The following DNER variants were observed in gnomAD, a reference collection of about 807,000 sequenced individuals.
The protein encoded by DNER is delta and Notch-like epidermal growth factor-related receptor.
In DNER, 33 loss-of-function variants were observed where a neutral mutation model predicts 78.2. The ratio of observed to expected loss-of-function variants is 0.42; its 90% CI spans 0.32 to 0.56. DNER has a LOEUF of 0.56. Ranked by LOEUF, DNER falls within the 20% of genes least tolerant of loss-of-function variation. The pLI is 0.11. For missense variants in DNER, 918 were observed against 975.3 expected (o/e 0.94, Z 0.78); for synonymous variants, 417 against 384.8 (o/e 1.08, Z -0.98).
chr2:229,569,735 T>G (rs1697182540), intron 4 of DNER, among the ~76,000 whole-genome samples: 1 of 152,186 alleles, frequency 6.6e-6, no homozygotes, highest in Non-Finnish European at 1.5e-5. Flanking sequence ...ATTGTTTATT[T>G]TTTATTTTTT....
chr2:229,387,559 GAAA>G (rs1692913428), intron 11 of DNER, among the ~76,000 whole-genome samples: 2 of 142,756 alleles, frequency 1.4e-5, no homozygotes, highest in Non-Finnish European at 3.1e-5. Context: ...AAGAAAGAAA[GAAA>G]GAAAGAAAAG....
At chr2:229,364,377 G>A (rs1304731435) in intron 12 of DNER, among the ~76,000 whole-genome samples, 3 of 152,074 alleles carry the variant, frequency 2.0e-5, no homozygotes, top group African/African-American at 7.2e-5. Context: ...GGACCCACTG[G>A]AGACATAGAA....
At chr2:229,416,587 G>A (rs1423530724) in intron 9 of DNER, among the ~76,000 whole-genome samples, 1 of 152,162 alleles carries the variant, frequency 6.6e-6, no homozygotes, top group Non-Finnish European at 1.5e-5. Context: ...CATGAGATCA[G>A]TACACCCCTC....
chr2:229,567,640 A>G (rs1391972207), intron 4 of DNER, among the ~76,000 whole-genome samples: 2 of 152,340 alleles, frequency 1.3e-5, no homozygotes, highest in Admixed American at 6.5e-5. Flanking sequence ...CAGAGCCCCA[A>G]GCCAATTTAG....
At chr2:229,670,168 G>A (rs1036754092) in intron 1 of DNER, among the ~76,000 whole-genome samples, 29 of 152,204 alleles carry the variant, frequency 1.9e-4, no homozygotes, top group Admixed American at 1.8e-3. Context: ...TCATTCAAAG[G>A]ATCCAGGCCA....
chr2:229,545,914 G>A (rs1448718992), intron 5 of DNER, among the ~76,000 whole-genome samples: 1 of 152,178 alleles, frequency 6.6e-6, no homozygotes, highest in Non-Finnish European at 1.5e-5. Flanking sequence ...AGACTAAGGA[G>A]GAAATTACCA....
chr2:229,449,216 C>G (rs1694401377), intron 7 of DNER, among the ~76,000 whole-genome samples: 2 of 152,166 alleles, frequency 1.3e-5, no homozygotes, highest in Non-Finnish European at 2.9e-5. Flanking sequence ...TTCTACCCAT[C>G]ATGAGATATG....
chr2:229,489,118 G>A lies in DNER; in HGVS notation c.1148-11865C>T, dbSNP rs563039420. Among the ~76,000 whole-genome samples the A allele has an allele frequency of 8.7e-4, 133 of 152,330 alleles. 1 individual carries two copies. The highest frequency in any genetic ancestry group is 1.1e-3 in the Non-Finnish European group (75 of 68,028). On this transcript the variant is annotated intron_variant, in intron 6 of 12. Coordinates refer to ENST00000341772, the MANE Select transcript of DNER (RefSeq NM_139072.4). ...CTGCACTTGGGCAATCTGGCCTCCC[G>A]GCCCAGCTGGGCTTTGCGGTCAGCC...
At chr2:229,427,427 G>A in intron 8 of DNER, among the ~76,000 whole-genome samples, 1 of 152,198 alleles carries the variant, frequency 6.6e-6, no homozygotes, top group Non-Finnish European at 1.5e-5. Flanking sequence ...AGTCACTGGG[G>A]CTATCTGGTG....
chr2:229,543,937 G>T (rs1227494409), intron 5 of DNER, among the ~76,000 whole-genome samples: 1 of 151,766 alleles, frequency 6.6e-6, no homozygotes, highest in African/African-American at 2.4e-5. Context: ...CCTCCTATTA[G>T]TCTCATCTCC....
intron 8 of DNER, among the ~76,000 whole-genome samples, chr2:229,429,121 A>C (rs572942967): frequency 1.3e-5 from 2 of 152,262 alleles, no homozygotes; most frequent in Middle Eastern, 3.4e-3. Context: ...AAGATGGTGG[A>C]GCATATGGGG....
At position 229,447,433 on chromosome 2, in the gene DNER, T is replaced by G. The variant is rs768906102; in HGVS notation, c.1369A>C (p.Ser457Arg). The G allele has an allele frequency of 1.2e-6, 2 of 1,614,056 alleles. No individual in the cohort carries two copies. Among genetic ancestry groups the G allele is most frequent in the Non-Finnish European group, 1.7e-6 (2 of 1,180,044 alleles). Residue 457 changes from serine to arginine, a missense_variant, in exon 8 of 13, where the codon AGC becomes CGC. Physicochemically the swap from Ser to Arg is moderately radical, Grantham distance 110. Coordinates refer to ENST00000341772, the MANE Select transcript of DNER (RefSeq NM_139072.4). ...VDGVHFTCNC[S>R]PGFTGPTCAQ... is the part of the protein sequence containing the mutation. ...CAGGTCGGCCCTGTGAAGCCCGGGC[T>G]GCAGTTGCAGGTAAAGTGTACCCCG...
chr2:229,704,398 T>TA (rs1432398898), intron 1 of DNER, among the ~76,000 whole-genome samples: 1 of 152,254 alleles, frequency 6.6e-6, no homozygotes, highest in Admixed American at 6.5e-5. Flanking sequence ...TAAAGACCTG[T>TA]ATGTGAACAC....
At chr2:229,704,534 T>A (rs559241823) in intron 1 of DNER, among the ~76,000 whole-genome samples, 9 of 152,200 alleles carry the variant, frequency 5.9e-5, no homozygotes, top group Non-Finnish European at 1.3e-4. Flanking sequence ...AAACAAACAA[T>A]TGATACATGA....
chr2:229,480,362 A>G (rs1041990161), intron 6 of DNER, among the ~76,000 whole-genome samples: 16 of 152,204 alleles, frequency 1.1e-4, no homozygotes, highest in Admixed American at 7.2e-4. Context: ...GGAGTTTTTT[A>G]AAGATCACTT....
intron 1 of DNER, among the ~76,000 whole-genome samples, chr2:229,613,472 T>C (rs1452134407): frequency 6.6e-6 from 1 of 152,128 alleles, no homozygotes; most frequent in African/African-American, 2.4e-5. Flanking sequence ...GCGTTGAAAA[T>C]AGGATTTCCA....
At chr2:229,457,969 C>T (rs1380539915) in intron 7 of DNER, among the ~76,000 whole-genome samples, 1 of 151,092 alleles carries the variant, frequency 6.6e-6, no homozygotes, top group African/African-American at 2.4e-5. Context: ...AACCCTGTCT[C>T]TACTAAAAAT....
chr2:229,631,128 T>C (rs1698427473), intron 1 of DNER, among the ~76,000 whole-genome samples: 1 of 152,224 alleles, frequency 6.6e-6, no homozygotes, highest in Non-Finnish European at 1.5e-5. Flanking sequence ...GGTAGAATAA[T>C]TTATTTTCCT....
chr2:229,615,880 T>G (rs1698152606), intron 1 of DNER, among the ~76,000 whole-genome samples: 2 of 152,150 alleles, frequency 1.3e-5, no homozygotes, highest in Non-Finnish European at 2.9e-5. Context: ...AGTCTGGGTT[T>G]CTGAGGGTCT....
Sources: allele counts gnomAD v4.1 joint callset (sites outside exome capture counted in the v4.1 genomes callset), GRCh38; gene constraint gnomAD v4.1.1; transcripts MANE v1.5; gene names NCBI Gene and HGNC (gene_info 2026-07-23, HGNC 2026-07-21).